Variants in KSR2 observed in about 807,000 individuals in gnomAD.
KSR2 encodes kinase suppressor of ras 2.
In KSR2, 25 loss-of-function variants were observed where a neutral mutation model predicts 107.8. The ratio of observed to expected loss-of-function variants is 0.23; its 90% CI spans 0.17 to 0.32. The LOEUF is 0.32. Ranked by LOEUF, KSR2 falls within the 10% of genes least tolerant of loss-of-function variation. KSR2 has a pLI of 1.00. For missense variants in KSR2, 887 were observed against 1,268.9 expected (o/e 0.70, Z 4.57); for synonymous variants, 480 against 507.0 (o/e 0.95, Z 0.71).
chr12:117,531,238 G>A (rs1875611449), intron 11 of KSR2, among the ~76,000 whole-genome samples: 1 of 152,088 alleles, frequency 6.6e-6, no homozygotes, highest in Non-Finnish European at 1.5e-5. Context: ...TGAATAGGGG[G>A]CTGCCAGAAC....
rs117187049 is a variant in KSR2 at position 117,536,365 on chromosome 12, C to T, written c.1687+3354G>A. On this transcript the variant is annotated intron_variant, in intron 10 of 19. Coordinates refer to ENST00000339824, the MANE Select transcript of KSR2 (RefSeq NM_173598.6). ...CCCTGGGAGTGTTTTGCTAAAACCA[C>T]CTAAGACACAGGGTAGGCCCAACTG... is the stretch of plus-strand genomic sequence containing the variant. Among the ~76,000 whole-genome samples the T allele has an allele frequency of 5.3e-3, 800 of 152,298 alleles. 4 individuals are homozygous for T. The highest frequency in any genetic ancestry group is 9.0e-3 in the Non-Finnish European group (612 of 68,020).
At chr12:117,508,106 T>C (rs1436532922) in intron 14 of KSR2, among the ~76,000 whole-genome samples, 1 of 152,216 alleles carries the variant, frequency 6.6e-6, no homozygotes, top group African/African-American at 2.4e-5. Flanking sequence ...TTAGTCCTGC[T>C]GCCTGTATTT....
At chr12:117,723,125 C>T (rs962712697) in intron 4 of KSR2, among the ~76,000 whole-genome samples, 1 of 152,104 alleles carries the variant, frequency 6.6e-6, no homozygotes, top group Non-Finnish European at 1.5e-5. Context: ...CCAGAGGAAT[C>T]CATCCTCACC....
At chr12:117,731,387 C>T (rs1292547927) in intron 4 of KSR2, among the ~76,000 whole-genome samples, 2 of 145,972 alleles carry the variant, frequency 1.4e-5, no homozygotes, top group Admixed American at 6.7e-5. Flanking sequence ...AGCGTCTCCG[C>T]CCAGCAGCCG....
chr12:117,525,651 T>C (rs569146102), intron 13 of KSR2, among the ~76,000 whole-genome samples: 14 of 152,292 alleles, frequency 9.2e-5, no homozygotes, highest in African/African-American at 3.1e-4. Context: ...TATTCTTCCA[T>C]AGTCTTTTGG....
Position 117,922,581 on chromosome 12 carries a change from C to G in KSR2, c.180+45495G>C, listed in dbSNP as rs565535194. Among the ~76,000 whole-genome samples, 300 of 152,294 alleles carry G rather than the reference C, an allele frequency of 2.0e-3. 7 individuals are homozygous for G. Among genetic ancestry groups the G allele is most frequent in the Middle Eastern group, 0.01 (3 of 294 alleles). ...AGTAGATTTGATAGATCTGATGACT[C>G]AGTAGATTTGACAGATCTGTGCCTG... On this transcript the variant is annotated intron_variant, in intron 1 of 19. Coordinates refer to ENST00000339824, the MANE Select transcript of KSR2 (RefSeq NM_173598.6).
rs890784283 is a variant in KSR2 at position 117,568,148 on chromosome 12, G to C, written c.1326-9575C>G. 7.9e-5 allele frequency among the ~76,000 whole-genome samples: 12 copies of C among 151,614 alleles called. No individual in the cohort carries two copies. In the East Asian group the frequency reaches 1.6e-3, roughly 20 times the overall value. On this transcript the variant is annotated intron_variant, in intron 7 of 19. Transcript: ENST00000339824. ...CTCTCCATAAAAGGACACTGTAAGGGAAGCTGTAAATGTATTACTTGCTGT... is the reference window on the plus strand; with the variant it reads ...CTCTCCATAAAAGGACACTGTAAGGCAAGCTGTAAATGTATTACTTGCTGT...
At chr12:117,919,668 T>G (rs1174717563) in intron 1 of KSR2, among the ~76,000 whole-genome samples, 1 of 152,216 alleles carries the variant, frequency 6.6e-6, no homozygotes, top group African/African-American at 2.4e-5. Context: ...CATGGTCATG[T>G]GACTTATTCT....
intron 3 of KSR2, among the ~76,000 whole-genome samples, chr12:117,783,468 T>G (rs117307293): frequency 2.0e-5 from 3 of 152,318 alleles, no homozygotes; most frequent in East Asian, 1.9e-4. Context: ...TAGGATTGTT[T>G]TGAGGGTCTA....
Position 117,852,309 on chromosome 12 carries a change from T to C in KSR2, c.472+3119A>G, listed in dbSNP as rs180812604. Among the ~76,000 whole-genome samples the C allele has an allele frequency of 1.3e-4, 20 of 150,884 alleles. No homozygotes were observed. The East Asian group carries it at 3.9e-3, about 29-fold the overall frequency. On this transcript the variant is annotated intron_variant, in intron 3 of 19. Coordinates refer to ENST00000339824, the MANE Select transcript of KSR2 (RefSeq NM_173598.6). ...TGGGCGTGGTGGCATGCACCTGTAG[T>C]CCCAGTTACTCGGGAGGCTAAGGCA...
intron 14 of KSR2, among the ~76,000 whole-genome samples, chr12:117,508,888 G>A (rs1333937946): frequency 6.6e-6 from 1 of 151,196 alleles, no homozygotes; most frequent in African/African-American, 2.4e-5. Context: ...ATGGGTGGAT[G>A]GATGTTGAAT....
At chr12:117,560,338 T>A (rs142811249) in intron 7 of KSR2, among the ~76,000 whole-genome samples, 33 of 152,122 alleles carry the variant, frequency 2.2e-4, no homozygotes, top group Admixed American at 3.9e-4. Flanking sequence ...GTTTTTCTCT[T>A]GTTTGGTCTT....
chr12:117,835,865 C>T (rs1416266678), intron 3 of KSR2, among the ~76,000 whole-genome samples: 1 of 151,972 alleles, frequency 6.6e-6, no homozygotes, highest in East Asian at 1.9e-4. Context: ...CCAAGAAAAC[C>T]TCCTACTTGG....
At chr12:117,696,310 C>G (rs1886057946) in intron 4 of KSR2, among the ~76,000 whole-genome samples, 1 of 152,084 alleles carries the variant, frequency 6.6e-6, no homozygotes, top group African/African-American at 2.4e-5. Context: ...CGGTGAACCC[C>G]AAAAGGGAAT....
intron 1 of KSR2, among the ~76,000 whole-genome samples, chr12:117,950,924 T>C (rs556998941): frequency 6.6e-6 from 1 of 152,050 alleles, no homozygotes; most frequent in Non-Finnish European, 1.5e-5. Flanking sequence ...TTTATTTATT[T>C]ATTTTTTGAG....
At chr12:117,716,495 G>T (rs12320478) in intron 4 of KSR2, among the ~76,000 whole-genome samples, 59,539 of 152,096 alleles carry the variant, frequency 0.39, 11,847 homozygotes, top group Middle Eastern at 0.45. Flanking sequence ...CATCTCAAGT[G>T]TTTAAGTTGA....
intron 4 of KSR2, among the ~76,000 whole-genome samples, chr12:117,743,437 A>C (rs1361593138): frequency 1.3e-5 from 2 of 152,236 alleles, no homozygotes; most frequent in Non-Finnish European, 2.9e-5. Context: ...AGAAGTGGAG[A>C]GAAAGCAGCA....
chr12:117,685,899 T>C (rs1324886632), intron 4 of KSR2, among the ~76,000 whole-genome samples: 2 of 151,594 alleles, frequency 1.3e-5, no homozygotes, highest in Admixed American at 6.6e-5. Flanking sequence ...ATTCCCCCCC[T>C]GTAAAAAGCA....
chr12:117,599,695 G>A (rs1012906441), intron 5 of KSR2, among the ~76,000 whole-genome samples: 2 of 151,892 alleles, frequency 1.3e-5, no homozygotes, highest in Admixed American at 1.3e-4. Context: ...AATGTCCCTG[G>A]GGGTGGAGAG....
Sources: allele counts gnomAD v4.1 joint callset (sites outside exome capture counted in the v4.1 genomes callset), GRCh38; gene constraint gnomAD v4.1.1; transcripts MANE v1.5; gene names NCBI Gene and HGNC (gene_info 2026-07-23, HGNC 2026-07-21).